Variants in MYO1E observed in about 807,000 individuals in gnomAD.
MYO1E encodes myosin IE.
Under a neutral mutation model 151.1 loss-of-function variants are expected in MYO1E, and 68 were observed. That is an observed-to-expected ratio of 0.45 (90% CI 0.37 to 0.55). The LOEUF (loss-of-function observed/expected upper bound fraction) is 0.55, where lower values mean the gene tolerates loss of function less well. Among genes scored for constraint, MYO1E ranks in the 20% least tolerant of loss-of-function variants. MYO1E has a pLI of 0.00. For missense variants in MYO1E, 1,363 were observed against 1,389.3 expected, an observed-to-expected ratio of 0.98 and a Z score of 0.30; for synonymous variants, 601 against 501.7, an observed-to-expected ratio of 1.20 and a Z score of -2.64.
intron 1 of MYO1E, among the ~76,000 whole-genome samples, chr15:59,305,020 C>T (rs939172775): frequency 1.3e-4 from 20 of 152,206 alleles, no homozygotes; most frequent in Admixed American, 1.2e-3. Flanking sequence ...GACAACATGG[C>T]CGAGCTGTGA....
At chr15:59,151,262 CA>C (rs1232835089) in intron 26 of MYO1E, among the ~76,000 whole-genome samples, 4 of 149,754 alleles carry the variant, frequency 2.7e-5, no homozygotes, top group Non-Finnish European at 5.9e-5. Flanking sequence ...CCCATCTCTA[CA>C]AAAAAAAACC....
chr15:59,260,390 C>A (rs1182519443), intron 3 of MYO1E, among the ~76,000 whole-genome samples: 1 of 152,216 alleles, frequency 6.6e-6, no homozygotes, highest in African/African-American at 2.4e-5. Flanking sequence ...CATCTGGCAA[C>A]AATGGGGTGG....
In MYO1E at chr15:59,350,457, A is replaced by G. The variant is rs2080817149; in HGVS notation, c.3+22041T>C. On this transcript the variant is annotated intron_variant, in intron 1 of 27. Coordinates refer to ENST00000288235, the MANE Select transcript of MYO1E (RefSeq NM_004998.4). This position sits in a 1 kb window ranked among gnomAD's most constrained non-coding sequence, Gnocchi z 5.0. ...GAAAAGGATAAAGGGTACAGCCTCT[A>G]TCATTGAATAAACCAGAAAAGACAC... Among the ~76,000 whole-genome samples the G allele has an allele frequency of 6.6e-6, 1 of 152,248 alleles. No individual in the cohort carries two copies. The highest frequency in any genetic ancestry group is 2.4e-5 in the African/African-American group (1 of 41,462).
At position 59,159,442 on chromosome 15, in the gene MYO1E, T is replaced by C. The variant is rs1237187082; in HGVS notation, c.2786-1063A>G. 6.6e-6 allele frequency among the ~76,000 whole-genome samples: 1 copy of C among 152,242 alleles called. No homozygotes were observed. Among genetic ancestry groups the C allele is most frequent in the Non-Finnish European group, 1.5e-5 (1 of 68,040 alleles). ...CTGCCTTCCAGTGGGGTGAGGCCTA[T>C]AGGCCAGGCCAACAGGAGGCACTGG... On this transcript the variant is annotated intron_variant, in intron 24 of 27. Coordinates refer to ENST00000288235, the MANE Select transcript of MYO1E (RefSeq NM_004998.4). This position sits in a 1 kb window ranked among gnomAD's most constrained non-coding sequence, Gnocchi z 4.4.
At chr15:59,237,874 C>T (rs1176754038) in intron 4 of MYO1E, among the ~76,000 whole-genome samples, 1 of 152,136 alleles carries the variant, frequency 6.6e-6, no homozygotes, top group African/African-American at 2.4e-5. Flanking sequence ...TTGAGCTGGC[C>T]ATATAGCGAA....
At chr15:59,209,999 TAATTTTTGTATTTAGCTAATAC>T (rs1180029658) in intron 13 of MYO1E, among the ~76,000 whole-genome samples, 1 of 151,508 alleles carries the variant, frequency 6.6e-6, no homozygotes, top group Non-Finnish European at 1.5e-5. Flanking sequence ...CATGCCTGGC[TAATTTTTGTATTTAGCTAATAC>T]AATTTTTGTA....
intron 15 of MYO1E, among the ~76,000 whole-genome samples, chr15:59,204,624 G>A (rs1413740460): frequency 2.6e-5 from 4 of 152,188 alleles, no homozygotes; most frequent in Non-Finnish European, 5.9e-5. Context: ...GGTCTTGAGA[G>A]TTCTAGCAGC....
rs2140449132 is a variant in MYO1E, at chr15:59,372,574, G to A, written c.-74C>T. The A allele has an allele frequency of 6.6e-7, 1 of 1,519,228 alleles. No homozygotes were observed. Among genetic ancestry groups the A allele is most frequent in the Non-Finnish European group, 8.8e-7 (1 of 1,131,778 alleles). 94.1% of individuals were successfully genotyped at this position (1,519,228 alleles called of 1,614,324 possible). ...ACTGGGGCTGGAACGCAGTCTTCTG[G>A]GCGAACTTCAAAAGTTGGTTCCCCT... On this transcript the variant is annotated 5_prime_UTR_variant, in exon 1 of 28. Transcript: ENST00000288235.
intron 1 of MYO1E, among the ~76,000 whole-genome samples, chr15:59,333,986 T>C (rs1340980483): frequency 6.6e-6 from 1 of 152,080 alleles, no homozygotes; most frequent in Non-Finnish European, 1.5e-5. Flanking sequence ...GCAGTGGATA[T>C]AAAAGAAATA....
intron 2 of MYO1E, 170 bp downstream of exon 2, chr15:59,272,133 TATA>T: frequency 1.5e-6 from 1 of 660,912 alleles, no homozygotes; most frequent in Non-Finnish European, 2.6e-6. Flanking sequence ...TTTTATTTTT[TATA>T]ATAGAGATGG....
chr15:59,248,486 CAAAAAAAAA>C (rs71119447), intron 4 of MYO1E, among the ~76,000 whole-genome samples: 6 of 57,052 alleles, frequency 1.1e-4, no homozygotes, highest in South Asian at 1.2e-3. Context: ...GACTCCATCT[CAAAAAAAAA>C]AAAAAAAAAA....
intron 16 of MYO1E, among the ~76,000 whole-genome samples, chr15:59,198,830 C>CAAA (rs10672759): frequency 4.1e-5 from 6 of 146,936 alleles, no homozygotes; most frequent in East Asian, 4.0e-4. Flanking sequence ...AGAAAAAAAA[C>CAAA]AAAAAAAAAA....
At chr15:59,345,236 T>C (rs2080787408) in intron 1 of MYO1E, among the ~76,000 whole-genome samples, 1 of 149,330 alleles carries the variant, frequency 6.7e-6, no homozygotes, top group South Asian at 2.1e-4. Flanking sequence ...AGTTGAAGTA[T>C]TTAAATGAGA....
intron 4 of MYO1E, among the ~76,000 whole-genome samples, chr15:59,250,153 C>G (rs147272265): frequency 6.6e-6 from 1 of 152,154 alleles, no homozygotes; most frequent in East Asian, 1.9e-4. Flanking sequence ...GATGTCTATG[C>G]CCCTGGAATG....
intron 4 of MYO1E, 36 bp from the exon 5 acceptor site, chr15:59,236,708 T>C (rs370788229): frequency 1.9e-5 from 30 of 1,542,440 alleles, no homozygotes; most frequent in Admixed American, 1.3e-4. Context: ...ACCTGAGAAG[T>C]GGATTGCGAC....
chr15:59,253,545 A>G (rs1336171417), intron 4 of MYO1E, among the ~76,000 whole-genome samples: 5 of 142,980 alleles, frequency 3.5e-5, no homozygotes, highest in African/African-American at 1.3e-4. Flanking sequence ...GCAGTGGCGC[A>G]ATCTCAGCTC....
intron 22 of MYO1E, among the ~76,000 whole-genome samples, chr15:59,169,504 C>T (rs1168597560): frequency 1.3e-5 from 2 of 152,180 alleles, no homozygotes; most frequent in African/African-American, 4.8e-5. Context: ...TTCATCTTGG[C>T]AAGTGTGAGG....
intron 1 of MYO1E, among the ~76,000 whole-genome samples, chr15:59,353,651 G>T (rs529141995): frequency 1.2e-3 from 189 of 151,756 alleles, no homozygotes; most frequent in African/African-American, 4.5e-3. Context: ...CAGCTACTCG[G>T]AAGGCTGAGG....
rs61185450 is a variant in MYO1E at position 59,239,224 on chromosome 15, ATTT to A, written c.333-2555_333-2553del. 3.5e-5 allele frequency among the ~76,000 whole-genome samples: 5 copies of A among 141,294 alleles called. 1 individual carries two copies. Among genetic ancestry groups the A allele is most frequent in the East Asian group, 4.2e-4 (2 of 4,762 alleles). The allele number at this position is 141,294 out of a possible 152,430, so 92.7% of individuals were successfully genotyped here. A position where few individuals can be genotyped will look rare whatever the true frequency, so the allele number is the denominator to read the frequency against. ...TGTGTCAAAAAATATATATATATAT[ATTT>A]TTTTTATTTTTTAAAATTTGTGTAT... On this transcript the variant is annotated intron_variant, in intron 4 of 27. Transcript: ENST00000288235.
Sources: gnomAD v4.1 joint callset for allele counts (sites outside exome capture counted in the v4.1 genomes callset) on GRCh38, gnomAD v4.1.1 for gene constraint, Gnocchi (gnomAD v3.1) non-coding constraint, MANE v1.5 for transcripts, NCBI Gene and HGNC (gene_info 2026-07-23, HGNC 2026-07-21) for gene names.